The following CADM2 variants were observed in gnomAD, a reference collection of about 807,000 sequenced individuals.
CADM2 encodes the protein cell adhesion molecule 2, also known as immunoglobulin superfamily member 4D.
In CADM2, 12 loss-of-function variants were observed where a neutral mutation model predicts 49.8. The observed-to-expected ratio is 0.24, with a 90% CI of 0.15 to 0.39. The LOEUF (loss-of-function observed/expected upper bound fraction) is 0.39. Ranked by LOEUF, CADM2 falls within the 10% of genes least tolerant of loss-of-function variation. The pLI is 1.00. For synonymous variants in CADM2, 214 were observed against 175.4 expected, an observed-to-expected ratio of 1.22 and a Z score of -1.74; for missense variants, 378 against 492.3, an observed-to-expected ratio of 0.77 and a Z score of 2.20.
intron 1 of CADM2, among the ~76,000 whole-genome samples, chr3:85,295,695 A>T (rs1032988246): frequency 5.3e-5 from 8 of 151,764 alleles, no homozygotes; most frequent in Non-Finnish European, 1.2e-4. Flanking sequence ...CAAGAACAAA[A>T]AACCAAACAC....
At chr3:85,715,388 T>C (rs888325518) in intron 1 of CADM2, among the ~76,000 whole-genome samples, 12 of 152,202 alleles carry the variant, frequency 7.9e-5, no homozygotes, top group African/African-American at 2.7e-4. Context: ...TAAAATAGAT[T>C]AGTGAGTAAA....
chr3:85,385,339 G>T (rs1256734463), intron 1 of CADM2, among the ~76,000 whole-genome samples: 3 of 152,184 alleles, frequency 2.0e-5, no homozygotes, highest in African/African-American at 7.2e-5. Flanking sequence ...AATATATGTT[G>T]TTTGGGAGGA....
intron 1 of CADM2, among the ~76,000 whole-genome samples, chr3:85,269,237 A>T (rs1043307414): frequency 6.6e-6 from 1 of 151,444 alleles, no homozygotes; most frequent in Non-Finnish European, 1.5e-5. Flanking sequence ...AAACCCCACG[A>T]AGGTGATCTG....
At chr3:85,297,029 T>A (rs1352188328) in intron 1 of CADM2, among the ~76,000 whole-genome samples, 1 of 152,094 alleles carries the variant, frequency 6.6e-6, no homozygotes, top group Non-Finnish European at 1.5e-5. Flanking sequence ...CCTCACAGGA[T>A]GCTGCAGTGA....
At chr3:85,285,227 G>A (rs1576280611) in intron 1 of CADM2, among the ~76,000 whole-genome samples, 1 of 152,218 alleles carries the variant, frequency 6.6e-6, no homozygotes, top group East Asian at 1.9e-4. Flanking sequence ...GGATATATGA[G>A]TCTGGAGTTC....
chr3:85,424,817 A>G (rs2036327654), intron 1 of CADM2, among the ~76,000 whole-genome samples: 1 of 152,158 alleles, frequency 6.6e-6, no homozygotes, highest in South Asian at 2.1e-4. Flanking sequence ...GCCTACATAA[A>G]ATGTTTTAAT....
At chr3:85,801,137 TC>T (rs1484806994) in intron 2 of CADM2, among the ~76,000 whole-genome samples, 1 of 152,190 alleles carries the variant, frequency 6.6e-6, no homozygotes, top group Non-Finnish European at 1.5e-5. Context: ...TATCTTCAGA[TC>T]ATCTTGCTGA....
chr3:85,031,168 G>A (rs1315388473), intron 1 of CADM2, among the ~76,000 whole-genome samples: 1 of 152,114 alleles, frequency 6.6e-6, no homozygotes, highest in African/African-American at 2.4e-5. Context: ...GATGTGAAGC[G>A]ACGGCCATAA....
intron 3 of CADM2, among the ~76,000 whole-genome samples, chr3:85,860,906 G>A (rs1266683348): frequency 6.6e-6 from 1 of 152,152 alleles, no homozygotes; most frequent in Non-Finnish European, 1.5e-5. Context: ...CACACTCTGA[G>A]GTGCGAATAT....
At chr3:85,276,182 A>G (rs2043353468) in intron 1 of CADM2, among the ~76,000 whole-genome samples, 1 of 151,268 alleles carries the variant, frequency 6.6e-6, no homozygotes, top group African/African-American at 2.4e-5. Flanking sequence ...AATACACACA[A>G]AGATACACAC....
rs188525860 is a variant in CADM2, at chr3:86,041,690, A to G, written c.971-23915A>G. Among the ~76,000 whole-genome samples the G allele has an allele frequency of 1.2e-4, 19 of 152,320 alleles. No individual in the cohort carries two copies. In the East Asian group the frequency reaches 3.5e-3, roughly 28 times the overall value. ...CAGATCAACAGACAGAAAGTTAACA[A>G]GGGTATCCAGGAACTGAACTCAGCT... On this transcript the variant is annotated intron_variant, in intron 8 of 9. Transcript: ENST00000383699.
chr3:85,551,226 C>A (rs899928815), intron 1 of CADM2, among the ~76,000 whole-genome samples: 1 of 152,148 alleles, frequency 6.6e-6, no homozygotes, highest in South Asian at 2.1e-4. Flanking sequence ...AAGGGATCCT[C>A]CAACCTCAGC....
In CADM2 at chr3:85,449,052, A is replaced by AAAAAAAAATAAT. The variant is rs71617939; in HGVS notation, c.62-277468_62-277467insAAAAAATAATAA. 4.7e-3 allele frequency among the ~76,000 whole-genome samples: 500 copies of AAAAAAAAATAAT among 107,420 alleles called. 2 individuals are homozygous for AAAAAAAAATAAT. Among genetic ancestry groups the AAAAAAAAATAAT allele is most frequent in the Non-Finnish European group, 8.5e-3 (406 of 47,938 alleles). 70.5% of individuals were successfully genotyped at this position (107,420 alleles called of 152,430 possible). A position where few individuals can be genotyped will look rare whatever the true frequency, so the allele number is the denominator to read the frequency against. On this transcript the variant is annotated intron_variant, in intron 1 of 9. Transcript: ENST00000383699. ...GCAAAGGGGCGAGACTCCAACTCAAAAATAATAATAATAATAATAATAATG... is the reference window on the plus strand; with the variant it reads ...GCAAAGGGGCGAGACTCCAACTCAAAAAAAAAAATAATAATAATAATAATAATAATAATAATG...
chr3:85,971,602 T>G (rs1726150829), intron 8 of CADM2, among the ~76,000 whole-genome samples: 1 of 151,754 alleles, frequency 6.6e-6, no homozygotes, highest in Admixed American at 6.6e-5. Flanking sequence ...CTTAAAGTAT[T>G]GGACCAAATC....
intron 6 of CADM2, among the ~76,000 whole-genome samples, chr3:85,928,251 C>T (rs1420374932): frequency 2.6e-5 from 4 of 151,652 alleles, no homozygotes; most frequent in South Asian, 2.1e-4. Flanking sequence ...CTCCGCCTCC[C>T]GGGTTCAAGT....
At chr3:85,464,915 C>T (rs1209577398) in intron 1 of CADM2, among the ~76,000 whole-genome samples, 2 of 152,060 alleles carry the variant, frequency 1.3e-5, no homozygotes, top group Non-Finnish European at 1.5e-5. Flanking sequence ...TTTGGGAGGC[C>T]GAGGTGGGTG....
At chr3:86,038,479 T>G (rs543447341) in intron 8 of CADM2, among the ~76,000 whole-genome samples, 113 of 152,322 alleles carry the variant, frequency 7.4e-4, no homozygotes, top group African/African-American at 2.7e-3. Context: ...AAACTCCAAT[T>G]AATCCTCTTG....
At chr3:85,199,754 A>C (rs1442391163) in intron 1 of CADM2, among the ~76,000 whole-genome samples, 1 of 152,042 alleles carries the variant, frequency 6.6e-6, no homozygotes, top group African/African-American at 2.4e-5. Context: ...TATAATAATT[A>C]AGTGGGGAAA....
intron 1 of CADM2, among the ~76,000 whole-genome samples, chr3:85,622,044 C>A (rs2063993834): frequency 6.6e-6 from 1 of 152,124 alleles, no homozygotes; most frequent in Non-Finnish European, 1.5e-5. Flanking sequence ...AAACTGTAAG[C>A]TTAGAATATT....
Sources: gnomAD v4.1 joint callset for allele counts (sites outside exome capture counted in the v4.1 genomes callset) on GRCh38, gnomAD v4.1.1 for gene constraint, MANE v1.5 for transcripts, NCBI Gene and HGNC (gene_info 2026-07-23, HGNC 2026-07-21) for gene names.